The following CSMD1 variants were observed in gnomAD, a reference collection of about 807,000 sequenced individuals.
CSMD1 encodes the protein CUB and sushi domain-containing protein 1.
In CSMD1, 213 loss-of-function variants were observed where a neutral mutation model predicts 417.5. That is an observed-to-expected ratio of 0.51 (90% CI 0.46 to 0.57). The LOEUF (loss-of-function observed/expected upper bound fraction) is 0.57, where lower values mean the gene tolerates loss of function less well. CSMD1 is among the 20% of genes least tolerant of loss of function. The probability of loss-of-function intolerance (pLI) is 0.00; values close to 1 mark genes in which losing one functional copy is unlikely to be tolerated. For missense variants in CSMD1, 6,923 were observed against 4,529.7 expected, an observed-to-expected ratio of 1.53 and a Z score of -15.17; for synonymous variants, 2,862 against 1,736.8, an observed-to-expected ratio of 1.65 and a Z score of -16.11.
At chr8:4,764,929 G>C (rs932011032) in intron 1 of CSMD1, among the ~76,000 whole-genome samples, 4 of 149,910 alleles carry the variant, frequency 2.7e-5, no homozygotes, top group Admixed American at 1.3e-4. Flanking sequence ...GCTGAGGATG[G>C]TTATTTGAAG....
Position 4,890,242 on chromosome 8 carries a change from G to C in CSMD1, c.85+104090C>G, listed in dbSNP as rs562146367. The stretch of plus-strand genomic sequence containing the variant: ...CTCAGGCTGGAAGAAGACTGAAGCA[G>C]CACGATAGAGTGGAGTGAATTTGGT... On this transcript the variant is annotated intron_variant, in intron 1 of 69. Transcript: ENST00000635120. 4.1e-4 allele frequency among the ~76,000 whole-genome samples: 62 copies of C among 152,232 alleles called. 1 individual carries two copies. Among genetic ancestry groups the C allele is most frequent in the African/African-American group, 1.4e-3 (60 of 41,502 alleles).
intron 1 of CSMD1, among the ~76,000 whole-genome samples, chr8:4,816,252 T>C (rs932565652): frequency 5.9e-5 from 9 of 152,224 alleles, no homozygotes; most frequent in African/African-American, 1.2e-4. Context: ...TAGTGCAATC[T>C]TGGCTCACTG....
intron 3 of CSMD1, among the ~76,000 whole-genome samples, chr8:4,165,024 C>T (rs1304379550): frequency 3.9e-5 from 6 of 152,186 alleles, no homozygotes; most frequent in East Asian, 3.9e-4. Context: ...TTGTCCATGA[C>T]ACCTGAGGTT....
intron 3 of CSMD1, among the ~76,000 whole-genome samples, chr8:4,190,958 G>T (rs1180145558): frequency 4.6e-5 from 7 of 151,892 alleles, no homozygotes; most frequent in African/African-American, 1.5e-4. Flanking sequence ...GAGAGTGGGG[G>T]GGGCGGGGAA....
At chr8:3,253,984 A>G (rs560218565) in intron 26 of CSMD1, among the ~76,000 whole-genome samples, 2 of 152,216 alleles carry the variant, frequency 1.3e-5, no homozygotes, top group African/African-American at 4.8e-5. Flanking sequence ...GGTCTTTACA[A>G]TTTTGCATGT....
At chr8:3,557,488 C>T (rs1490394449) in intron 10 of CSMD1, among the ~76,000 whole-genome samples, 1 of 151,934 alleles carries the variant, frequency 6.6e-6, no homozygotes, top group Non-Finnish European at 1.5e-5. Context: ...ATAATTTAAA[C>T]AACATGTCTC....
At chr8:4,843,897 G>C (rs1800981489) in intron 1 of CSMD1, among the ~76,000 whole-genome samples, 1 of 152,154 alleles carries the variant, frequency 6.6e-6, no homozygotes, top group Admixed American at 6.5e-5. Context: ...CACCCAGTGA[G>C]CTCTTTTCTG....
chr8:3,083,275 C>G (rs1383411982), intron 49 of CSMD1, among the ~76,000 whole-genome samples: 1 of 151,792 alleles, frequency 6.6e-6, no homozygotes, highest in Non-Finnish European at 1.5e-5. Flanking sequence ...TGTCATATAT[C>G]TCTGCTTGTA....
intron 26 of CSMD1, among the ~76,000 whole-genome samples, chr8:3,235,796 CAAT>C (rs1469771313): frequency 6.6e-6 from 1 of 151,420 alleles, no homozygotes; most frequent in Non-Finnish European, 1.5e-5. Context: ...ATACGTATAA[CAAT>C]AATAATGCAG....
At chr8:4,614,939 G>T (rs947551788) in intron 2 of CSMD1, among the ~76,000 whole-genome samples, 1 of 152,058 alleles carries the variant, frequency 6.6e-6, no homozygotes, top group African/African-American at 2.4e-5. Flanking sequence ...AATATGTTAT[G>T]AATTTTCTAT....
intron 23 of CSMD1, among the ~76,000 whole-genome samples, chr8:3,339,105 G>C (rs560906699): frequency 2.0e-5 from 3 of 151,224 alleles, no homozygotes; most frequent in African/African-American, 7.3e-5. Flanking sequence ...TTGTTCTTGC[G>C]ATAGTTTACT....
intron 10 of CSMD1, among the ~76,000 whole-genome samples, chr8:3,517,025 G>A (rs577082727): frequency 6.6e-6 from 1 of 152,288 alleles, no homozygotes; most frequent in African/African-American, 2.4e-5. Flanking sequence ...GGTGAGCAAA[G>A]GAGCTGGTGT....
At chr8:2,967,950 G>T (rs1804116475) in intron 57 of CSMD1, among the ~76,000 whole-genome samples, 1 of 152,118 alleles carries the variant, frequency 6.6e-6, no homozygotes, top group African/African-American at 2.4e-5. Flanking sequence ...CTGGTCCCGT[G>T]CCAATGGCAG....
intron 3 of CSMD1, among the ~76,000 whole-genome samples, chr8:4,401,168 G>A (rs1037994427): frequency 6.6e-6 from 1 of 151,960 alleles, no homozygotes. Flanking sequence ...TCAAAACAGG[G>A]GTTCCATCCA....
chr8:3,665,877 G>A (rs1003806140), intron 7 of CSMD1, among the ~76,000 whole-genome samples: 2 of 152,028 alleles, frequency 1.3e-5, no homozygotes, highest in African/African-American at 4.8e-5. Flanking sequence ...TTGCTTTTTT[G>A]TTGTTGTTTT....
intron 25 of CSMD1, among the ~76,000 whole-genome samples, chr8:3,301,534 C>A (rs1206138854): frequency 2.0e-5 from 3 of 152,074 alleles, no homozygotes; most frequent in Non-Finnish European, 4.4e-5. Flanking sequence ...TGAATTTTTG[C>A]TGAGCCCTAA....
intron 3 of CSMD1, among the ~76,000 whole-genome samples, chr8:4,055,061 A>G (rs947536583): frequency 6.6e-6 from 1 of 152,152 alleles, no homozygotes; most frequent in Non-Finnish European, 1.5e-5. Flanking sequence ...ATATTCAAAC[A>G]ATCAGAGAGA....
intron 3 of CSMD1, among the ~76,000 whole-genome samples, chr8:4,143,037 AC>A (rs1039310393): frequency 6.6e-6 from 1 of 150,946 alleles, no homozygotes; most frequent in Non-Finnish European, 1.5e-5. Flanking sequence ...TCCAATTCCA[AC>A]CCAATCACAC....
chr8:4,224,111 G>A (rs1190002077), intron 3 of CSMD1, among the ~76,000 whole-genome samples: 4 of 152,058 alleles, frequency 2.6e-5, no homozygotes, highest in Admixed American at 1.3e-4. Flanking sequence ...CAGGCTAAGA[G>A]TAACTGAACA....
Sources: allele counts gnomAD v4.1 joint callset (sites outside exome capture counted in the v4.1 genomes callset), GRCh38; gene constraint gnomAD v4.1.1; transcripts MANE v1.5; gene names NCBI Gene and HGNC (gene_info 2026-07-23, HGNC 2026-07-21).